Variants in MED13L observed in about 807,000 individuals in gnomAD.
MED13L encodes the protein mediator of RNA polymerase II transcription subunit 13-like.
Under a neutral mutation model 220.9 loss-of-function variants are expected in MED13L, and 7 were observed. That is an observed-to-expected ratio of 0.03 (90% CI 0.02 to 0.06). The LOEUF (loss-of-function observed/expected upper bound fraction) is 0.06. MED13L is among the 10% of genes least tolerant of loss of function. The pLI is 1.00. For synonymous variants in MED13L, 1,011 were observed against 1,015.2 expected (o/e 1.00, Z 0.08); for missense variants, 1,965 against 2,760.5 (o/e 0.71, Z 6.46).
chr12:116,190,755 A>G (rs1010068636), intron 2 of MED13L, among the ~76,000 whole-genome samples: 1 of 152,190 alleles, frequency 6.6e-6, no homozygotes, highest in Non-Finnish European at 1.5e-5. Flanking sequence ...CTTGTCAATC[A>G]AAGTATGAGA....
At chr12:115,993,979 G>A (rs999216111) in intron 16 of MED13L, among the ~76,000 whole-genome samples, 2 of 152,164 alleles carry the variant, frequency 1.3e-5, no homozygotes, top group African/African-American at 4.8e-5. Flanking sequence ...ACCACAGCAG[G>A]ATTACACATA....
At chr12:116,262,808 CATCT>C (rs538635596) in intron 1 of MED13L, among the ~76,000 whole-genome samples, 17 of 152,068 alleles carry the variant, frequency 1.1e-4, no homozygotes, top group Non-Finnish European at 2.4e-4. Flanking sequence ...AGAATAGCAC[CATCT>C]GTCTGGGTTG....
intron 1 of MED13L, among the ~76,000 whole-genome samples, chr12:116,264,702 G>A (rs1456797972): frequency 6.6e-6 from 1 of 152,050 alleles, no homozygotes; most frequent in African/African-American, 2.4e-5. Flanking sequence ...AACTTTCCTT[G>A]TATCTTCCAT....
chr12:116,210,997 C>T (rs932411623), intron 2 of MED13L, among the ~76,000 whole-genome samples: 9 of 152,184 alleles, frequency 5.9e-5, no homozygotes, highest in African/African-American at 2.2e-4. Context: ...ATAAACTCGC[C>T]ACCATATCAA....
chr12:116,129,108 C>T (rs966045734), intron 2 of MED13L, among the ~76,000 whole-genome samples: 1 of 152,082 alleles, frequency 6.6e-6, no homozygotes, highest in African/African-American at 2.4e-5. Flanking sequence ...TTGTTTCTCA[C>T]CAATTTTTAA....
At chr12:116,200,270 C>T (rs1325100878) in intron 2 of MED13L, among the ~76,000 whole-genome samples, 1 of 152,000 alleles carries the variant, frequency 6.6e-6, no homozygotes, top group Non-Finnish European at 1.5e-5. Flanking sequence ...ATAATGGCCA[C>T]ACTGCAGTCA....
intron 2 of MED13L, among the ~76,000 whole-genome samples, chr12:116,213,237 C>T (rs764406865): frequency 7.9e-5 from 12 of 151,494 alleles, no homozygotes; most frequent in Non-Finnish European, 1.3e-4. Flanking sequence ...ACAAGGTGGA[C>T]AAGAAAGAGG....
At chr12:116,149,815 T>C (rs1015500460) in intron 2 of MED13L, among the ~76,000 whole-genome samples, 4 of 152,328 alleles carry the variant, frequency 2.6e-5, no homozygotes, top group Admixed American at 6.5e-5. Flanking sequence ...ATTAAGTTCC[T>C]TTCATATGCC....
At chr12:116,203,245 A>G (rs1371526212) in intron 2 of MED13L, among the ~76,000 whole-genome samples, 1 of 152,204 alleles carries the variant, frequency 6.6e-6, no homozygotes, top group Non-Finnish European at 1.5e-5. Context: ...CGGTTTTACA[A>G]GTTTTGCTTA....
In MED13L at chr12:116,038,744, CAAAAAAAAAAAAAA is replaced by C. The variant is rs63703461; in HGVS notation, c.480-16157_480-16144del. 4.4e-3 allele frequency among the ~76,000 whole-genome samples: 330 copies of C among 75,298 alleles called. 3 individuals are homozygous for C. The highest frequency in any genetic ancestry group is 0.019 in the African/African-American group (312 of 16,686). The allele number at this position is 75,298 out of a possible 152,430, so 49.4% of individuals were successfully genotyped here. ...GACTTTACCTATGCGGTCAAAAGGCCAAAAAAAAAAAAAAAAAAAAAAAAAAAGGAGAACCTGCT... is the reference window on the plus strand; with the variant it reads ...GACTTTACCTATGCGGTCAAAAGGCCAAAAAAAAAAAAAGGAGAACCTGCT... On this transcript the variant is annotated intron_variant, in intron 4 of 30. Coordinates refer to ENST00000281928, the MANE Select transcript of MED13L (RefSeq NM_015335.5).
chr12:116,084,863 A>G (rs77883551), intron 4 of MED13L, among the ~76,000 whole-genome samples: 1 of 152,074 alleles, frequency 6.6e-6, no homozygotes, highest in Non-Finnish European at 1.5e-5. Flanking sequence ...ACAAATCCCA[A>G]AATTTACCAG....
At chr12:116,098,246 C>CA (rs1044548394) in intron 3 of MED13L, among the ~76,000 whole-genome samples, 4 of 149,240 alleles carry the variant, frequency 2.7e-5, no homozygotes, top group South Asian at 2.1e-4. Context: ...AACTCCATCT[C>CA]AAAAAAAATA....
At chr12:116,011,338 CAAT>C (rs1452311968) in intron 9 of MED13L, among the ~76,000 whole-genome samples, 3 of 152,208 alleles carry the variant, frequency 2.0e-5, no homozygotes, top group African/African-American at 2.4e-5. Context: ...AGAAATACAA[CAAT>C]AATTCCAGAA....
Position 116,012,858 on chromosome 12 carries a change from T to C in MED13L, c.1219A>G (p.Ser407Gly), listed in dbSNP as rs751751984. ...STPTLEEEPA[S>G]NPATWDFVDP... ...ACAAAATCCCAAGTAGCAGGATTGCTAGCAGGCTCTTCTTCAAGAGTTGGA... is the reference window on the plus strand; with the variant it reads ...ACAAAATCCCAAGTAGCAGGATTGCCAGCAGGCTCTTCTTCAAGAGTTGGA... The change falls in exon 9 of 31, where the codon AGC (serine) becomes GGC (glycine). Residue 407 changes from serine (S) to glycine (G), a missense_variant. Transcript: ENST00000281928. 2 of 1,613,996 alleles carry C rather than the reference T, an allele frequency of 1.2e-6. No homozygotes were observed. The highest frequency in any genetic ancestry group is 1.1e-5 in the South Asian group (1 of 91,080).
chr12:116,089,537 A>T (rs1157569712), intron 4 of MED13L, among the ~76,000 whole-genome samples: 2 of 152,202 alleles, frequency 1.3e-5, no homozygotes, highest in Non-Finnish European at 2.9e-5. Flanking sequence ...ATGGTAGACT[A>T]TAACAGGAAT....
At position 116,008,616 on chromosome 12, in the gene MED13L, A is replaced by C; in HGVS notation, c.1797T>G (p.Thr599=). ...LQQLSTLDDR[T]VLVGQRLPLM... ...GAGGCAGTCTTTGGCCTACGAGGACAGTTCTGTCATCCAGAGTAGACAACT... is the reference window on the plus strand; with the variant it reads ...GAGGCAGTCTTTGGCCTACGAGGACCGTTCTGTCATCCAGAGTAGACAACT... Residue 599 remains threonine, a synonymous_variant, in exon 10 of 31, where the codon ACT becomes ACG. Transcript: ENST00000281928. 1.2e-6 allele frequency: 2 copies of C among 1,614,108 alleles called. No homozygotes were observed. Among genetic ancestry groups the C allele is most frequent in the Non-Finnish European group, 1.7e-6 (2 of 1,180,010 alleles).
At chr12:116,090,166 T>A (rs1410571983) in intron 4 of MED13L, among the ~76,000 whole-genome samples, 1 of 152,226 alleles carries the variant, frequency 6.6e-6, no homozygotes, top group African/African-American at 2.4e-5. Context: ...TATTCATTCA[T>A]GCTCTGAAGC....
chr12:116,034,445 G>T (rs943050720), intron 4 of MED13L, among the ~76,000 whole-genome samples: 1 of 152,170 alleles, frequency 6.6e-6, no homozygotes, highest in Non-Finnish European at 1.5e-5. Flanking sequence ...TACACCAGGA[G>T]ATACACATCA....
intron 2 of MED13L, among the ~76,000 whole-genome samples, chr12:116,125,626 T>C (rs1875519084): frequency 6.6e-6 from 1 of 152,184 alleles, no homozygotes; most frequent in African/African-American, 2.4e-5. Context: ...ATAACATCTA[T>C]ACAATTTCTA....
Sources: allele counts gnomAD v4.1 joint callset (sites outside exome capture counted in the v4.1 genomes callset), GRCh38; gene constraint gnomAD v4.1.1; transcripts MANE v1.5; gene names NCBI Gene and HGNC (gene_info 2026-07-23, HGNC 2026-07-21).